The following DUSP11 variants were observed in gnomAD, a reference collection of about 807,000 sequenced individuals.
DUSP11 encodes RNA/RNP complex-1-interacting phosphatase.
In DUSP11, 27 loss-of-function variants were observed where a neutral mutation model predicts 41.4. The observed-to-expected ratio is 0.65, with a 90% CI of 0.48 to 0.90. DUSP11 has a LOEUF of 0.90. DUSP11 is among the 40% of genes least tolerant of loss of function. The pLI, the probability that DUSP11 is intolerant of heterozygous loss-of-function variation, is 0.00. For missense variants in DUSP11, 465 were observed against 461.1 expected (o/e 1.01, Z -0.08); for synonymous variants, 188 against 159.3 (o/e 1.18, Z -1.35).
At chr2:73,777,837 C>A (rs1024765390) in intron 2 of DUSP11, among the ~76,000 whole-genome samples, 6 of 152,116 alleles carry the variant, frequency 3.9e-5, no homozygotes, top group African/African-American at 1.4e-4. Context: ...TTGTACAATA[C>A]TAATATATAT....
intron 4 of DUSP11, among the ~76,000 whole-genome samples, chr2:73,770,015 T>C (rs563674137): frequency 2.3e-4 from 35 of 152,300 alleles, no homozygotes; most frequent in Admixed American, 1.2e-3. Flanking sequence ...GCAAAATCTG[T>C]GTCCATGACT....
At chr2:73,763,720 T>C (rs1355119112) in intron 8 of DUSP11, among the ~76,000 whole-genome samples, 1 of 151,180 alleles carries the variant, frequency 6.6e-6, no homozygotes, top group Non-Finnish European at 1.5e-5. Context: ...CAAAACTCCA[T>C]CTTACAAAAA....
chr2:73,773,781 G>C lies in DUSP11; in HGVS notation c.574+19C>G. ...CATTCATAATGCACACCACAGTTCA[G>C]GTAAGAACAAAAACTCACCATTATC... On this transcript the variant is annotated intron_variant, in intron 4 of 8. Coordinates refer to ENST00000272444, the Ensembl canonical transcript of DUSP11. The C allele has an allele frequency of 6.3e-7, 1 of 1,597,570 alleles. No individual in the cohort carries two copies. Among genetic ancestry groups the C allele is most frequent in the South Asian group, 1.1e-5 (1 of 87,734 alleles).
chr2:73,763,008 G>A, intron 8 of DUSP11, 149 bp from the exon 9 acceptor site: 1 of 291,696 alleles, frequency 3.4e-6, no homozygotes, highest in East Asian at 7.4e-5. Flanking sequence ...TGTGACCTAA[G>A]CAGATAAAAT....
At chr2:73,776,592 TGACACATCGTTATCACCAAAGTCTA>T (rs2103948973) in intron 2 of DUSP11, among the ~76,000 whole-genome samples, 1 of 152,244 alleles carries the variant, frequency 6.6e-6, no homozygotes, top group South Asian at 2.1e-4. Flanking sequence ...GAACCAACTC[TGACACATCGTTATCACCAAAGTCTA>T]GAGGTTAGGT....
chr2:73,779,910 G>A, exon 1 of DUSP11: 1 of 1,614,204 alleles, frequency 6.2e-7, no homozygotes, highest in Admixed American at 1.7e-5. Context: ...CTTCTTGGCT[G>A]AGGAGCGTCC....
chr2:73,775,182 A>G (rs1672654841), intron 2 of DUSP11, 138 bp from the exon 3 acceptor site: 1 of 696,234 alleles, frequency 1.4e-6, no homozygotes, highest in East Asian at 2.8e-5. Context: ...TAGAAGGTAT[A>G]TTACAACAAT....
At chr2:73,775,066 G>T in intron 2 of DUSP11, 22 bp from the exon 3 acceptor site, 1 of 1,600,818 alleles carries the variant, frequency 6.2e-7, no homozygotes, top group African/African-American at 1.3e-5. Context: ...AATGAAATAA[G>T]AGCAAATATG....
intron 4 of DUSP11, among the ~76,000 whole-genome samples, chr2:73,772,708 TTTAAAG>T (rs1310520652): frequency 3.9e-5 from 6 of 152,150 alleles, no homozygotes; most frequent in East Asian, 3.8e-4. Context: ...CCTCTCAAGT[TTTAAAG>T]TTAAAGTACA....
chr2:73,765,641 T>C (rs1225664361), intron 8 of DUSP11, among the ~76,000 whole-genome samples: 1 of 152,234 alleles, frequency 6.6e-6, no homozygotes, highest in Admixed American at 6.5e-5. Flanking sequence ...GAACTCATAC[T>C]AATGTACCAC....
intron 4 of DUSP11, 192 bp downstream of exon 4, chr2:73,773,608 A>G: frequency 1.9e-6 from 1 of 526,718 alleles, no homozygotes; most frequent in South Asian, 2.9e-5. Context: ...AAACTAATTT[A>G]ACATTCCAAA....
intron 4 of DUSP11, among the ~76,000 whole-genome samples, chr2:73,770,338 A>C (rs1280452721): frequency 6.6e-6 from 1 of 151,916 alleles, no homozygotes; most frequent in Non-Finnish European, 1.5e-5. Context: ...AATATGGTGA[A>C]ACCCCATCTC....
chr2:73,778,993 CA>C (rs963186507), intron 1 of DUSP11, among the ~76,000 whole-genome samples: 2 of 151,610 alleles, frequency 1.3e-5, no homozygotes, highest in Non-Finnish European at 2.9e-5. Context: ...ACTAAAAATA[CA>C]AAAAAAATTA....
intron 1 of DUSP11, chr2:73,779,385 G>C (rs923338433): frequency 1.2e-5 from 2 of 168,228 alleles, no homozygotes; most frequent in Non-Finnish European, 2.6e-5. Context: ...TTAATCATTT[G>C]TACGTATAAA....
At chr2:73,779,731 G>A (rs1399238043) in intron 1 of DUSP11, 143 bp downstream of exon 1, 3 of 1,261,056 alleles carry the variant, frequency 2.4e-6, no homozygotes, top group African/African-American at 3.0e-5. Flanking sequence ...AGCGGGTGGC[G>A]CAGAGGGTCA....
At chr2:73,774,543 C>T (rs924395123) in intron 3 of DUSP11, among the ~76,000 whole-genome samples, 2 of 152,206 alleles carry the variant, frequency 1.3e-5, no homozygotes, top group African/African-American at 4.8e-5. Flanking sequence ...ACCATAATTC[C>T]CTTTTCTCCC....
In DUSP11 at chr2:73,777,245, T is replaced by G. The variant is rs191337504; in HGVS notation, c.318+1056A>C. Reference sequence around the variant, plus strand: ...ACACCCACCTTGCCTCCCAAAGTACTGGATTACAAACATGATCCAACAGGC... The same window carrying G: ...ACACCCACCTTGCCTCCCAAAGTACGGGATTACAAACATGATCCAACAGGC... On this transcript the variant is annotated intron_variant, in intron 2 of 8. Transcript: ENST00000272444. Among the ~76,000 whole-genome samples, 656 of 152,344 alleles carry G rather than the reference T, an allele frequency of 4.3e-3. 7 individuals carry two copies. Among genetic ancestry groups the G allele is most frequent in the African/African-American group, 0.015 (630 of 41,578 alleles).
intron 2 of DUSP11, among the ~76,000 whole-genome samples, chr2:73,777,172 G>A (rs940565232): frequency 1.3e-5 from 2 of 152,038 alleles, no homozygotes; most frequent in South Asian, 2.1e-4. Flanking sequence ...GTAGAGACAC[G>A]GTTTCAGTGT....
At position 73,778,293 on chromosome 2, in the gene DUSP11, T is replaced by A; in HGVS notation, c.318+8A>T. On this transcript the variant is annotated splice_region_variant and intron_variant, in intron 2 of 8. Transcript: ENST00000272444. ...GCCTGAAAGAATACTGAATTAACTT[T>A]TGCTTACCTTTTGCAAAGGAACTTT... 1 of 1,573,010 alleles carries A rather than the reference T, an allele frequency of 6.4e-7. No individual in the cohort carries two copies. Among genetic ancestry groups the A allele is most frequent in the Non-Finnish European group, 8.6e-7 (1 of 1,161,942 alleles).
Sources: allele counts gnomAD v4.1 joint callset (sites outside exome capture counted in the v4.1 genomes callset), GRCh38; gene constraint gnomAD v4.1.1; transcripts MANE v1.5; gene names NCBI Gene and HGNC (gene_info 2026-07-23, HGNC 2026-07-21).